BRI3: variants seen among roughly 807,000 people sequenced by gnomAD.
BRI3 encodes the protein membrane protein BRI3.
In BRI3, 6 loss-of-function variants were observed where a neutral mutation model predicts 12.8. The ratio of observed to expected loss-of-function variants is 0.47; its 90% confidence interval spans 0.26 to 0.93. BRI3 has a LOEUF of 0.93. Ranked by LOEUF, BRI3 falls within the 40% of genes least tolerant of loss-of-function variation. The pLI is 0.15. For missense variants in BRI3, 134 were observed against 171.1 expected (o/e 0.78, Z 1.21); for synonymous variants, 91 against 76.1 (o/e 1.20, Z -1.02).
intron 2 of BRI3, among the ~76,000 whole-genome samples, chr7:98,288,117 C>T (rs1445403615): frequency 1.3e-5 from 2 of 152,212 alleles, no homozygotes; most frequent in African/African-American, 4.8e-5. Context: ...TTTCATGGGA[C>T]ATTTTCTAAC....
At chr7:98,303,978 A>C (rs867679400), upstream of BRI3, among the ~76,000 whole-genome samples, 7 of 152,350 alleles carry the variant, frequency 4.6e-5, no homozygotes, top group Middle Eastern at 3.4e-3. Flanking sequence ...GATAGAGTCC[A>C]CATGAAAGAA....
downstream of BRI3, chr7:98,292,957 A>T: frequency 8.1e-7 from 1 of 1,227,788 alleles, no homozygotes; most frequent in Non-Finnish European, 1.0e-6. Flanking sequence ...GCGTGGTTGG[A>T]GGGAGGGTGG....
At chr7:98,288,691 A>C (rs1799794180) in intron 2 of BRI3, among the ~76,000 whole-genome samples, 1 of 152,008 alleles carries the variant, frequency 6.6e-6, no homozygotes, top group Non-Finnish European at 1.5e-5. Context: ...GAATGGACAT[A>C]GGGACTGTAG....
chr7:98,287,833 A>T (rs963249327), intron 2 of BRI3, among the ~76,000 whole-genome samples: 7 of 152,126 alleles, frequency 4.6e-5, no homozygotes, highest in African/African-American at 1.7e-4. Context: ...TCACACCTGG[A>T]TGTCTCTGCT....
chr7:98,289,085 G>C (rs1799810158), intron 2 of BRI3, among the ~76,000 whole-genome samples: 1 of 152,076 alleles, frequency 6.6e-6, no homozygotes, highest in African/African-American at 2.4e-5. Flanking sequence ...AGCTTCCCGA[G>C]TAGCTGGGAT....
chr7:98,287,820 C>T (rs1308605713), intron 2 of BRI3, among the ~76,000 whole-genome samples: 1 of 152,228 alleles, frequency 6.6e-6, no homozygotes, highest in Non-Finnish European at 1.5e-5. Flanking sequence ...GCCCATTGCA[C>T]CATCACACCT....
At chr7:98,310,363 T>G in exon 2 of BRI3, 1 of 1,478,226 alleles carries the variant, frequency 6.8e-7, no homozygotes, top group Non-Finnish European at 9.2e-7. Context: ...TTGCAATACA[T>G]TTATACAAAA....
Position 98,282,418 on chromosome 7 carries a change from C to T in BRI3, c.210C>T (p.Asn70=), listed in dbSNP as rs535212998. The part of the protein sequence containing the change: ...HSRTVTRYPA[N]SIVVVGGCPV... ...GGACCGTCACCCGCTATCCTGCCAA[C>T]TCTATCGTGGTCGTAGGAGGCTGTC... The change falls in exon 2 of 3, where the codon AAC becomes AAT. Residue 70 remains asparagine (N), a synonymous_variant. Transcript: ENST00000297290. 26 of 1,614,130 alleles carry T rather than the reference C, an allele frequency of 1.6e-5. No homozygotes were observed. Among genetic ancestry groups the T allele is most frequent in the African/African-American group, 1.6e-4 (12 of 75,066 alleles).
downstream of BRI3, chr7:98,294,012 G>A (rs528720522): frequency 1.6e-5 from 25 of 1,569,172 alleles, no homozygotes; most frequent in African/African-American, 5.4e-5. Context: ...AGGCCCTTCC[G>A]GGGGACACTA....
At chr7:98,293,941 TC>T, downstream of BRI3, 1 of 1,045,824 alleles carries the variant, frequency 9.6e-7, no homozygotes. Flanking sequence ...GGGGCTGCAC[TC>T]CCCCATGGCT....
chr7:98,312,414 A>G, downstream of BRI3: 1 of 804,178 alleles, frequency 1.2e-6, no homozygotes, highest in Non-Finnish European at 1.9e-6. Context: ...CACTTTAAGC[A>G]CCTAGAGGAT....
intron 2 of BRI3, among the ~76,000 whole-genome samples, chr7:98,290,685 G>A (rs942554237): frequency 6.6e-6 from 1 of 151,804 alleles, no homozygotes; most frequent in Non-Finnish European, 1.5e-5. Flanking sequence ...TGTTAGTAGA[G>A]ACAGGGTTTC....
chr7:98,301,136 C>A (rs150032064), intron 1 of BRI3, among the ~76,000 whole-genome samples: 133 of 152,292 alleles, frequency 8.7e-4, no homozygotes, highest in Middle Eastern at 3.4e-3. Context: ...CACAGCCATA[C>A]CCTCACTGCC....
chr7:98,293,585 G>A (rs1192225085), downstream of BRI3: 2 of 1,613,808 alleles, frequency 1.2e-6, no homozygotes, highest in Non-Finnish European at 1.7e-6. Flanking sequence ...AGTGGCAAAG[G>A]GGTTTTCTCC....
downstream of BRI3, chr7:98,292,394 A>G (rs1336482687): frequency 2.0e-6 from 1 of 493,346 alleles, no homozygotes; most frequent in Non-Finnish European, 3.6e-6. Context: ...TTTTTAGTAG[A>G]GACTCCTGAC....
downstream of BRI3, among the ~76,000 whole-genome samples, chr7:98,315,186 A>G (rs746425797): frequency 1.6e-4 from 24 of 152,208 alleles, no homozygotes; most frequent in Admixed American, 5.9e-4. Context: ...CAGTGGCACA[A>G]TCATGGCTCA....
intron 2 of BRI3, 27 bp downstream of exon 2, chr7:98,282,480 G>A: frequency 6.3e-7 from 1 of 1,592,558 alleles, no homozygotes; most frequent in Non-Finnish European, 8.6e-7. Flanking sequence ...CCTGGGGACT[G>A]GCCCTGGAAG....
chr7:98,315,242 C>T (rs1419566951), downstream of BRI3, among the ~76,000 whole-genome samples: 2 of 152,118 alleles, frequency 1.3e-5, no homozygotes, highest in African/African-American at 4.8e-5. Flanking sequence ...CCACCTCAGC[C>T]TCCTGAGTAG....
downstream of BRI3, among the ~76,000 whole-genome samples, chr7:98,295,273 G>C (rs1455737666): frequency 6.6e-6 from 1 of 152,150 alleles, no homozygotes; most frequent in African/African-American, 2.4e-5. Flanking sequence ...GGAGCCCCAG[G>C]GCTGTGCCTG....
Sources: allele counts gnomAD v4.1 joint callset (sites outside exome capture counted in the v4.1 genomes callset), GRCh38; gene constraint gnomAD v4.1.1; transcripts MANE v1.5; gene names NCBI Gene and HGNC (gene_info 2026-07-23, HGNC 2026-07-21).